The following AGAP1 variants were observed in gnomAD, a reference collection of about 807,000 sequenced individuals.
AGAP1 encodes the protein ArfGAP with GTPase domain, ankyrin repeat and PH domain 1.
In AGAP1, 29 loss-of-function variants were observed where a neutral mutation model predicts 105.3. The observed-to-expected ratio is 0.28, with a 90% CI of 0.21 to 0.38. The LOEUF (loss-of-function observed/expected upper bound fraction) is 0.38, where lower values mean the gene tolerates loss of function less well. Among genes scored for constraint, AGAP1 ranks in the 10% least tolerant of loss-of-function variants. AGAP1 has a pLI of 1.00. For synonymous variants in AGAP1, 509 were observed against 485.9 expected (o/e 1.05, Z -0.63); for missense variants, 998 against 1,165.1 (o/e 0.86, Z 2.09).
chr2:235,899,222 C>T (rs1038721648), intron 10 of AGAP1, among the ~76,000 whole-genome samples: 1 of 152,116 alleles, frequency 6.6e-6, no homozygotes, highest in Non-Finnish European at 1.5e-5. Flanking sequence ...TCTTAAAACT[C>T]TACTGTTTGG....
intron 11 of AGAP1, among the ~76,000 whole-genome samples, chr2:235,912,066 T>C (rs2051645211): frequency 6.6e-6 from 1 of 152,216 alleles, no homozygotes; most frequent in Non-Finnish European, 1.5e-5. Flanking sequence ...ATTGCTCAGC[T>C]TCATTCTTGG....
At position 235,600,353 on chromosome 2, in the gene AGAP1, C is replaced by T. The variant is rs1945687363; in HGVS notation, c.163+105504C>T. The stretch of plus-strand genomic sequence containing the variant: ...GGACTGTGCTGGAAACACTCAGTAG[C>T]AACTCAGGCTCAGGGAGCCCTCACC... On this transcript the variant is annotated intron_variant, in intron 1 of 17. Transcript: ENST00000304032. This position sits in a 1 kb window ranked among gnomAD's most constrained non-coding sequence, Gnocchi z 4.8. 6.6e-6 allele frequency among the ~76,000 whole-genome samples: 1 copy of T among 152,108 alleles called. No homozygotes were observed. The highest frequency in any genetic ancestry group is 2.4e-5 in the African/African-American group (1 of 41,420).
chr2:235,998,308 C>T (rs1250903300), intron 13 of AGAP1, among the ~76,000 whole-genome samples: 1 of 152,138 alleles, frequency 6.6e-6, no homozygotes, highest in Non-Finnish European at 1.5e-5. Context: ...TCAGTTACCA[C>T]CTAGTGGAGA....
In AGAP1 at chr2:235,704,962, C is replaced by CTTTTTTTTTTTTTTTTTTT. The variant is rs796721149; in HGVS notation, c.164-4211_164-4210insTTTTTTTTTTTTTTTTTTT. Among the ~76,000 whole-genome samples, 2 of 86,010 alleles carry CTTTTTTTTTTTTTTTTTTT rather than the reference C, an allele frequency of 2.3e-5. 1 individual carries two copies. 56.4% of individuals were successfully genotyped at this position (86,010 alleles called of 152,430 possible). ...AACGTCGATTGTAAAATACAAGATG[C>CTTTTTTTTTTTTTTTTTTT]TTTTTTCTTTTTTTTTTTTTTTTTT... On this transcript the variant is annotated intron_variant, in intron 1 of 17. Transcript: ENST00000304032.
intron 1 of AGAP1, among the ~76,000 whole-genome samples, chr2:235,571,730 G>C (rs974970555): frequency 1.3e-5 from 2 of 151,958 alleles, no homozygotes; most frequent in African/African-American, 4.8e-5. Flanking sequence ...GTAGTATATA[G>C]TCAGTGCTCA....
intron 1 of AGAP1, among the ~76,000 whole-genome samples, chr2:235,524,864 A>T (rs543999221): frequency 6.6e-6 from 1 of 152,194 alleles, no homozygotes; most frequent in South Asian, 2.1e-4. Context: ...ATTGTTGGAT[A>T]TTGCTCACCA....
chr2:235,630,300 G>C (rs1407493133), intron 1 of AGAP1, among the ~76,000 whole-genome samples: 1 of 151,954 alleles, frequency 6.6e-6, no homozygotes, highest in African/African-American at 2.4e-5. Flanking sequence ...TGCAACCTCT[G>C]CTTCCCGGGT....
chr2:236,096,411 G>C lies in AGAP1; in HGVS notation c.2115-23781G>C, dbSNP rs1209540555. ...AACTACTTGGGAAGCTGAGGCAAGAGAATCCCTTGAACCTGAGAGGCAGAG... is the reference window on the plus strand; with the variant it reads ...AACTACTTGGGAAGCTGAGGCAAGACAATCCCTTGAACCTGAGAGGCAGAG... On this transcript the variant is annotated intron_variant, in intron 16 of 17. Transcript: ENST00000304032. This position sits in a 1 kb window ranked among gnomAD's most constrained non-coding sequence, Gnocchi z 4.4. Among the ~76,000 whole-genome samples the C allele has an allele frequency of 6.6e-6, 1 of 150,942 alleles. No individual in the cohort carries two copies. The highest frequency in any genetic ancestry group is 2.4e-5 in the African/African-American group (1 of 41,124).
intron 14 of AGAP1, among the ~76,000 whole-genome samples, chr2:236,039,243 G>A (rs912192839): frequency 9.2e-5 from 14 of 152,114 alleles, no homozygotes; most frequent in Non-Finnish European, 1.3e-4. Context: ...CAAGGAGTTC[G>A]AGACCAGCCT....
At chr2:235,513,624 C>T (rs1009931643) in intron 1 of AGAP1, among the ~76,000 whole-genome samples, 55 of 151,666 alleles carry the variant, frequency 3.6e-4, no homozygotes, top group African/African-American at 9.2e-4. Flanking sequence ...AACTTCATGA[C>T]GAGCCCCCTG....
intron 12 of AGAP1, among the ~76,000 whole-genome samples, chr2:235,940,014 T>C (rs968570655): frequency 2.0e-5 from 3 of 152,176 alleles, no homozygotes; most frequent in African/African-American, 7.2e-5. Context: ...GTTGGGCGGC[T>C]CATGCTCAGC....
chr2:235,717,022 G>A (rs1951144946), intron 2 of AGAP1, among the ~76,000 whole-genome samples: 2 of 152,118 alleles, frequency 1.3e-5, no homozygotes, highest in African/African-American at 2.4e-5. Flanking sequence ...CTCCTCGCCT[G>A]TGTGGCCGGC....
At chr2:235,755,942 A>G (rs1953891417) in intron 6 of AGAP1, among the ~76,000 whole-genome samples, 1 of 152,162 alleles carries the variant, frequency 6.6e-6, no homozygotes, top group Non-Finnish European at 1.5e-5. Context: ...AAATAGTTAT[A>G]ACTTAGTGAC....
At position 236,042,501 on chromosome 2, in the gene AGAP1, A is replaced by G. The variant is rs569563734; in HGVS notation, c.1891+1660A>G. 3.0e-3 allele frequency among the ~76,000 whole-genome samples: 454 copies of G among 152,360 alleles called. 1 individual carries two copies. The highest frequency in any genetic ancestry group is 5.5e-3 in the Non-Finnish European group (376 of 68,026). On this transcript the variant is annotated intron_variant, in intron 15 of 17. Coordinates refer to ENST00000304032, the MANE Select transcript of AGAP1 (RefSeq NM_001037131.3). This position sits in a 1 kb window ranked among gnomAD's most constrained non-coding sequence, Gnocchi z 5.6. ...CAGTTATTTGAAGTGTGTTTCTATCAAAAAGTTTTAAAAGTAAGAGCTTTT... is the reference window on the plus strand; with the variant it reads ...CAGTTATTTGAAGTGTGTTTCTATCGAAAAGTTTTAAAAGTAAGAGCTTTT...
At chr2:235,915,208 A>G (rs2051815003) in intron 11 of AGAP1, among the ~76,000 whole-genome samples, 1 of 152,334 alleles carries the variant, frequency 6.6e-6, no homozygotes, top group Non-Finnish European at 1.5e-5. Flanking sequence ...TTATTCATAG[A>G]TAATGGACAA....
At chr2:235,669,032 AT>A (rs1277939129) in intron 1 of AGAP1, among the ~76,000 whole-genome samples, 1 of 152,148 alleles carries the variant, frequency 6.6e-6, no homozygotes, top group East Asian at 1.9e-4. Context: ...CTACAAGATT[AT>A]TTTAGAAGTT....
In AGAP1 at chr2:236,056,808, G is replaced by C. The variant is rs558429607; in HGVS notation, c.2114+7527G>C. ...ACGTGTGCCAGGGTCACATGGGAGCGCAGGTCAGACTGCAGGCACCAAGAT... is the reference window on the plus strand; with the variant it reads ...ACGTGTGCCAGGGTCACATGGGAGCCCAGGTCAGACTGCAGGCACCAAGAT... On this transcript the variant is annotated intron_variant, in intron 16 of 17. Coordinates refer to ENST00000304032, the MANE Select transcript of AGAP1 (RefSeq NM_001037131.3). The surrounding 1 kb of genome is among the most constrained non-coding windows in gnomAD (Gnocchi z 4.6). Among the ~76,000 whole-genome samples the C allele has an allele frequency of 6.6e-6, 1 of 152,118 alleles. No homozygotes were observed. The highest frequency in any genetic ancestry group is 2.4e-5 in the African/African-American group (1 of 41,418).
chr2:235,498,456 C>T (rs1309569081), intron 1 of AGAP1, among the ~76,000 whole-genome samples: 3 of 152,154 alleles, frequency 2.0e-5, no homozygotes, highest in Non-Finnish European at 2.9e-5. Context: ...GCCTCCGCAG[C>T]CACCATGCCC....
intron 1 of AGAP1, among the ~76,000 whole-genome samples, chr2:235,562,703 G>A (rs1023219248): frequency 2.6e-5 from 4 of 152,130 alleles, no homozygotes; most frequent in East Asian, 3.9e-4. Context: ...TCCTGGCTCC[G>A]GTCCTCTGCA....
Sources: allele counts gnomAD v4.1 joint callset (sites outside exome capture counted in the v4.1 genomes callset), GRCh38; gene constraint gnomAD v4.1.1; non-coding constraint Gnocchi (gnomAD v3.1); transcripts MANE v1.5; gene names NCBI Gene and HGNC (gene_info 2026-07-23, HGNC 2026-07-21).